Variants in MAP1LC3A observed in about 807,000 individuals in gnomAD.
MAP1LC3A encodes the protein microtubule-associated protein 1 light chain 3 alpha.
MAP1LC3A carries 10 observed loss-of-function variants against 15.2 expected under a neutral mutation model. That is an observed-to-expected ratio of 0.66 (90% CI 0.41 to 1.12). The LOEUF (loss-of-function observed/expected upper bound fraction) is 1.12, where lower values mean the gene tolerates loss of function less well. MAP1LC3A is among the 50% of genes most tolerant of loss of function. MAP1LC3A has a pLI of 0.00. For synonymous variants in MAP1LC3A, 63 were observed against 64.3 expected (o/e 0.98, Z 0.10); for missense variants, 138 against 167.3 (o/e 0.82, Z 0.97).
rs1982409524 is a variant in MAP1LC3A at position 34,560,301 on chromosome 20, G to GTCA, written c.*405_*407dup. ...TCTCCACGTGGTGTATGGATCTGTG[G>GTCA]TCATTGTCCCTCTGCAGAATAAAGA... is the stretch of plus-strand genomic sequence containing the variant. On this transcript the variant is annotated 3_prime_UTR_variant, in exon 4 of 4. Coordinates refer to ENST00000360668, the MANE Select transcript of MAP1LC3A (RefSeq NM_032514.4). 1 of 198,978 alleles carries GTCA rather than the reference G, an allele frequency of 5.0e-6. No individual in the cohort carries two copies. Among genetic ancestry groups the GTCA allele is most frequent in the Admixed American group, 5.4e-5 (1 of 18,504 alleles). 12.3% of individuals were successfully genotyped at this position (198,978 alleles called of 1,614,324 possible). A position where few individuals can be genotyped will look rare whatever the true frequency, so the allele number is the denominator to read the frequency against.
intron 3 of MAP1LC3A, 46 bp downstream of exon 3, chr20:34,559,499 A>G: frequency 1.9e-6 from 3 of 1,544,914 alleles, no homozygotes; most frequent in Non-Finnish European, 8.9e-7. Context: ...TCGGGAGGGG[A>G]GCCGGGTTCC....
rs369976848 is a variant in MAP1LC3A, at chr20:34,550,976, G to A, written c.52+947G>A. 3.3e-5 allele frequency among the ~76,000 whole-genome samples: 5 copies of A among 152,170 alleles called. No homozygotes were observed. The East Asian group carries it at 9.6e-4, about 29-fold the overall frequency. On this transcript the variant is annotated intron_variant, in intron 2 of 4. Transcript: ENST00000374837. ...TTAAAGAAATGGCCTACTTGGGCAC[G>A]GTGGCTCATGCTTGTAATCTCAGCA...
At chr20:34,554,895 A>ATG (rs1176651928), upstream of MAP1LC3A, among the ~76,000 whole-genome samples, 2 of 146,722 alleles carry the variant, frequency 1.4e-5, no homozygotes, top group African/African-American at 5.1e-5. Flanking sequence ...TTTTGTAGAG[A>ATG]TGGGGTTTCA....
intron 1 of MAP1LC3A, among the ~76,000 whole-genome samples, chr20:34,547,668 A>G (rs1383321825): frequency 1.3e-5 from 2 of 152,086 alleles, no homozygotes; most frequent in Non-Finnish European, 2.9e-5. Flanking sequence ...CGCCTAGCGA[A>G]GAAGGTGCCT....
Position 34,549,215 on chromosome 20 carries a change from G to T in MAP1LC3A, c.-73-690G>T, listed in dbSNP as rs1166398057. Among the ~76,000 whole-genome samples, 4 of 148,524 alleles carry T rather than the reference G, an allele frequency of 2.7e-5. No individual in the cohort carries two copies. The South Asian group carries it at 8.6e-4, about 32-fold the overall frequency. On this transcript the variant is annotated intron_variant, in intron 1 of 4. Coordinates refer to the MAP1LC3A transcript ENST00000374837. Reference sequence around the variant, plus strand: ...TAATTTTTGTATTTTTAGTAGAGAAGGGGTTTCGCCGTGTTGGCCAGGCTG... The same window carrying T: ...TAATTTTTGTATTTTTAGTAGAGAATGGGTTTCGCCGTGTTGGCCAGGCTG...
chr20:34,548,507 T>C (rs915577366), intron 1 of MAP1LC3A, among the ~76,000 whole-genome samples: 1 of 151,996 alleles, frequency 6.6e-6, no homozygotes, highest in Admixed American at 6.5e-5. Flanking sequence ...AGGACAGATA[T>C]GCGGGTGAGG....
rs779129432 is a variant in MAP1LC3A at position 34,559,932 on chromosome 20, G to A, written c.*34G>A. 3 of 1,591,104 alleles carry A rather than the reference G, an allele frequency of 1.9e-6. No homozygotes were observed. The highest frequency in any genetic ancestry group is 2.6e-6 in the Non-Finnish European group (3 of 1,169,406). ...TAGGGGGGCTCGGCCTGGGAGTCGGGCGGCCCCGGTCAGGCCCTGCCCAGA... is the reference window on the plus strand; with the variant it reads ...TAGGGGGGCTCGGCCTGGGAGTCGGACGGCCCCGGTCAGGCCCTGCCCAGA... On this transcript the variant is annotated 3_prime_UTR_variant, in exon 4 of 4. Coordinates refer to ENST00000360668, the MANE Select transcript of MAP1LC3A (RefSeq NM_032514.4).
At chr20:34,557,033 G>T (rs1982188363), upstream of MAP1LC3A, among the ~76,000 whole-genome samples, 1 of 152,146 alleles carries the variant, frequency 6.6e-6, no homozygotes, top group African/African-American at 2.4e-5. Flanking sequence ...GGCCTATTTT[G>T]TCTGAGTTTT....
chr20:34,550,489 A>C (rs1981908893), intron 2 of MAP1LC3A, among the ~76,000 whole-genome samples: 1 of 152,260 alleles, frequency 6.6e-6, no homozygotes, highest in African/African-American at 2.4e-5. Flanking sequence ...GGGGTGTAGC[A>C]GGAACCAAGC....
intron 2 of MAP1LC3A, among the ~76,000 whole-genome samples, chr20:34,553,226 C>T (rs1459209688): frequency 2.0e-5 from 3 of 151,986 alleles, no homozygotes; most frequent in Non-Finnish European, 4.4e-5. Flanking sequence ...GGTTTTTGGC[C>T]TGAAAAGGGG....
chr20:34,559,287 G>GCC, intron 2 of MAP1LC3A, 24 bp downstream of exon 2: 1 of 1,564,188 alleles, frequency 6.4e-7, no homozygotes, highest in Non-Finnish European at 8.7e-7. Context: ...CCCCAGCCCT[G>GCC]CCCCGCCCCC....
chr20:34,558,858 G>A lies in MAP1LC3A; in HGVS notation c.-11G>A. ...AGAGCCCCGGCCTGCGCGCCCAGCC[G>A]GGCCCGCGCGATGCCCTCAGACCGG... On this transcript the variant is annotated 5_prime_UTR_variant, in exon 1 of 4. Transcript: ENST00000360668. The surrounding 1 kb of genome is among the most constrained non-coding windows in gnomAD (Gnocchi z 4.3). The A allele has an allele frequency of 1.4e-6, 2 of 1,436,226 alleles. No homozygotes were observed. The highest frequency in any genetic ancestry group is 1.8e-6 in the Non-Finnish European group (2 of 1,100,850). 89.0% of individuals were successfully genotyped at this position (1,436,226 alleles called of 1,614,324 possible). A position where few individuals can be genotyped will look rare whatever the true frequency, so the allele number is the denominator to read the frequency against.
chr20:34,549,614 A>G (rs1196753240), intron 1 of MAP1LC3A, among the ~76,000 whole-genome samples: 1 of 152,240 alleles, frequency 6.6e-6, no homozygotes, highest in East Asian at 1.9e-4. Context: ...GTAGCAGCCC[A>G]GGGACAGATC....
chr20:34,548,073 C>T (rs1981806795), intron 1 of MAP1LC3A, among the ~76,000 whole-genome samples: 1 of 151,980 alleles, frequency 6.6e-6, no homozygotes, highest in Non-Finnish European at 1.5e-5. Flanking sequence ...CTTGAGAGGA[C>T]TCAGGACTGC....
At chr20:34,557,376 T>C (rs1982198410), upstream of MAP1LC3A, among the ~76,000 whole-genome samples, 1 of 152,222 alleles carries the variant, frequency 6.6e-6, no homozygotes, top group Non-Finnish European at 1.5e-5. Context: ...CTCTTAAATA[T>C]CTGAAATACA....
rs561332688 is a variant in MAP1LC3A at position 34,559,714 on chromosome 20, C to T, written c.204-22C>T. The T allele has an allele frequency of 5.7e-6, 9 of 1,591,902 alleles. No individual in the cohort carries two copies. The East Asian group carries it at 1.8e-4, about 32-fold the overall frequency. On this transcript the variant is annotated intron_variant, in intron 3 of 3. Coordinates refer to ENST00000360668, the MANE Select transcript of MAP1LC3A (RefSeq NM_032514.4). ...CCCGCAGCCAAGCCCCTCACAGCTG[C>T]ATACTCTCCCGCCGGCTGCAGGCGC... is the stretch of plus-strand genomic sequence containing the variant.
Position 34,559,352 on chromosome 20 carries a change from C to A in MAP1LC3A, c.102C>A (p.Ile34=), listed in dbSNP as rs1446181166. The A allele has an allele frequency of 7.0e-7, 1 of 1,436,650 alleles. No individual in the cohort carries two copies. The highest frequency in any genetic ancestry group is 1.1e-5 in the South Asian group (1 of 87,816). The allele number at this position is 1,436,650 out of a possible 1,614,324, so 89.0% of individuals were successfully genotyped here. A position where few individuals can be genotyped will look rare whatever the true frequency, so the allele number is the denominator to read the frequency against. The change falls in exon 3 of 4, where the codon ATC becomes ATA. Residue 34 remains isoleucine (I), a synonymous_variant. Transcript: ENST00000360668. The part of the protein sequence containing the change: ...RDQHPSKIPV[I]IERYKGEKQL... ...CCCGCCCGCCCTGCTCCCAGGTGAT[C>A]ATCGAGCGCTACAAGGGTGAGAAGC...
At chr20:34,552,242 C>A (rs1981976130) in intron 2 of MAP1LC3A, among the ~76,000 whole-genome samples, 1 of 152,180 alleles carries the variant, frequency 6.6e-6, no homozygotes, top group African/African-American at 2.4e-5. Flanking sequence ...AGGTGATCCA[C>A]CTGCCTTGGC....
upstream of MAP1LC3A, chr20:34,558,679 T>C: frequency 1.6e-6 from 2 of 1,249,862 alleles, no homozygotes; most frequent in Non-Finnish European, 2.0e-6. This position sits in a 1 kb window ranked among gnomAD's most constrained non-coding sequence, Gnocchi z 4.3. Context: ...AGCGGCGCAC[T>C]GGCCTCCCCT....
Sources: allele counts gnomAD v4.1 joint callset (sites outside exome capture counted in the v4.1 genomes callset), GRCh38; gene constraint gnomAD v4.1.1; non-coding constraint Gnocchi (gnomAD v3.1); transcripts MANE v1.5; gene names NCBI Gene and HGNC (gene_info 2026-07-23, HGNC 2026-07-21).